The following TDRD1 variants were observed in gnomAD, a reference collection of about 807,000 sequenced individuals.
The protein encoded by TDRD1 is tudor domain-containing protein 1.
Under a neutral mutation model 140.6 loss-of-function variants are expected in TDRD1, and 37 were observed. That is an observed-to-expected ratio of 0.26 (90% CI 0.20 to 0.35). TDRD1 has a LOEUF of 0.35. Among genes scored for constraint, TDRD1 ranks in the 10% least tolerant of loss-of-function variants. The pLI is 1.00. For synonymous variants in TDRD1, 506 were observed against 475.7 expected (o/e 1.06, Z -0.83); for missense variants, 1,243 against 1,393.0 (o/e 0.89, Z 1.71).
chr10:114,226,938 C>T (rs762403139), intron 22 of TDRD1, 134 bp from the exon 23 acceptor site: 33 of 592,872 alleles, frequency 5.6e-5, no homozygotes, highest in Non-Finnish European at 8.5e-5. Context: ...TGTAATGCAA[C>T]AGCAGTAGTA....
exon 2 of TDRD1, chr10:114,188,122 T>C: frequency 6.2e-7 from 1 of 1,603,918 alleles, no homozygotes; most frequent in Non-Finnish European, 8.5e-7. Flanking sequence ...GAGAAGTAGT[T>C]GGCTCCAAAG....
chr10:114,225,945 G>A, intron 21 of TDRD1, 104 bp from the exon 22 acceptor site: 1 of 939,004 alleles, frequency 1.1e-6, no homozygotes. Flanking sequence ...CAGAAATTTT[G>A]GCATGGATTT....
chr10:114,191,163 C>A lies in TDRD1; in HGVS notation c.384+144C>A, dbSNP rs550295298. On this transcript the variant is annotated intron_variant, in intron 3 of 25. Transcript: ENST00000251864. The stretch of plus-strand genomic sequence containing the variant: ...TATGTACATTTTTAAAAAAAGAAAA[C>A]TTTCTTAGGTTATTGTAGATTCACA... The A allele has an allele frequency of 1.4e-5, 12 of 873,248 alleles. No homozygotes were observed. The South Asian group carries it at 2.3e-4, about 17-fold the overall frequency. The allele number at this position is 873,248 out of a possible 1,614,324, so 54.1% of individuals were successfully genotyped here. A position where few individuals can be genotyped will look rare whatever the true frequency, so the allele number is the denominator to read the frequency against.
upstream of TDRD1, chr10:114,179,199 G>C (rs1184766678): frequency 1.3e-5 from 2 of 152,330 alleles, no homozygotes; most frequent in Admixed American, 6.5e-5. Context: ...AGCACAAGCT[G>C]CTTCCGGGGA....
At chr10:114,217,176 T>C (rs2035864455) in intron 16 of TDRD1, among the ~76,000 whole-genome samples, 2 of 152,210 alleles carry the variant, frequency 1.3e-5, no homozygotes, top group Non-Finnish European at 2.9e-5. Flanking sequence ...TTCTTATACA[T>C]TACCTGTGCC....
intron 1 of TDRD1, among the ~76,000 whole-genome samples, chr10:114,185,011 T>C (rs1206374938): frequency 6.6e-6 from 1 of 152,138 alleles, no homozygotes; most frequent in Admixed American, 6.5e-5. Flanking sequence ...TTAGGTCAAG[T>C]TTATTGTTAC....
chr10:114,206,372 A>G (rs776214033), intron 11 of TDRD1, 42 bp downstream of exon 11: 2 of 1,513,724 alleles, frequency 1.3e-6, no homozygotes, highest in East Asian at 2.3e-5. Context: ...GACTTCAGTT[A>G]TTGAAGACCA....
chr10:114,196,484 CATGGTCTCT>C (rs2034358323), intron 3 of TDRD1, among the ~76,000 whole-genome samples: 1 of 152,118 alleles, frequency 6.6e-6, no homozygotes, highest in Non-Finnish European at 1.5e-5. Flanking sequence ...TTCTGGCCTC[CATGGTCTCT>C]AATGAGAAAT....
At chr10:114,181,702 G>A (rs1365446789) in intron 1 of TDRD1, among the ~76,000 whole-genome samples, 1 of 151,998 alleles carries the variant, frequency 6.6e-6, no homozygotes, top group Non-Finnish European at 1.5e-5. Context: ...AAAATTAGCC[G>A]GGCGTGATGG....
In TDRD1 at chr10:114,204,235, C is replaced by T. The variant is rs531760701; in HGVS notation, c.1125+19C>T. 1.3e-6 allele frequency: 2 copies of T among 1,570,454 alleles called. No individual in the cohort carries two copies. The highest frequency in any genetic ancestry group is 1.4e-5 in the African/African-American group (1 of 72,246). Reference sequence around the variant, plus strand: ...TCCTTGTGTGAGTCTCTTTTACTTTCTAGATTTTTAATAGTGTCCCAAAGG... The same window carrying T: ...TCCTTGTGTGAGTCTCTTTTACTTTTTAGATTTTTAATAGTGTCCCAAAGG... On this transcript the variant is annotated intron_variant, in intron 9 of 25. Transcript: ENST00000251864.
At chr10:114,203,603 G>T in intron 8 of TDRD1, 36 bp downstream of exon 8, 1 of 1,559,354 alleles carries the variant, frequency 6.4e-7, no homozygotes, top group Non-Finnish European at 8.7e-7. Context: ...TAAAACGTTT[G>T]AGCTAACTTT....
exon 15 of TDRD1, chr10:114,213,459 C>T: frequency 1.2e-6 from 2 of 1,613,968 alleles, no homozygotes; most frequent in African/African-American, 1.3e-5. Context: ...AAACAGTTCC[C>T]TGGTGGAGCT....
chr10:114,229,958 G>C (rs1310209999), intron 25 of TDRD1, among the ~76,000 whole-genome samples: 1 of 151,934 alleles, frequency 6.6e-6, no homozygotes, highest in African/African-American at 2.4e-5. Context: ...AGCTTCCCAA[G>C]TAGCTGGGAC....
chr10:114,210,773 C>T (rs1359943977), intron 12 of TDRD1, 25 bp downstream of exon 12: 7 of 1,609,918 alleles, frequency 4.3e-6, no homozygotes, highest in Admixed American at 1.7e-5. Context: ...TTGATTTGCT[C>T]TATGAAGCTA....
At position 114,194,494 on chromosome 10, in the gene TDRD1, A is replaced by G. The variant is rs117414780; in HGVS notation, c.384+3475A>G. Among the ~76,000 whole-genome samples the G allele has an allele frequency of 5.8e-4, 89 of 152,204 alleles. 1 individual carries two copies. The East Asian group carries it at 0.012, about 21-fold the overall frequency. ...AAGTGTTCCCAGTATTATTTTCAGT[A>G]TTAGTGGTGTCTGTAGTAATGTTCC... On this transcript the variant is annotated intron_variant, in intron 3 of 25. Transcript: ENST00000251864.
chr10:114,222,492 G>C lies in TDRD1; in HGVS notation c.2891-95G>C, dbSNP rs114352516. On this transcript the variant is annotated intron_variant, in intron 20 of 25. Coordinates refer to ENST00000251864, the Ensembl canonical transcript of TDRD1. ...TTTAAATATATTTTAATACACAAAG[G>C]GTTTTTGGATTGATTAGACTTGCCA... is the stretch of plus-strand genomic sequence containing the variant. The C allele has an allele frequency of 1.2e-5, 7 of 578,492 alleles. No individual in the cohort carries two copies. In the East Asian group the frequency reaches 1.7e-4, roughly 14 times the overall value. 35.8% of individuals were successfully genotyped at this position (578,492 alleles called of 1,614,324 possible). A position where few individuals can be genotyped will look rare whatever the true frequency, so the allele number is the denominator to read the frequency against.
intron 3 of TDRD1, among the ~76,000 whole-genome samples, chr10:114,194,991 C>G (rs562954147): frequency 6.6e-6 from 1 of 151,642 alleles, no homozygotes; most frequent in East Asian, 1.9e-4. Context: ...AACTCCTGGC[C>G]TCAAGTGGTC....
chr10:114,221,521 CT>C (rs2133161702), intron 20 of TDRD1, 45 bp downstream of exon 20: 1 of 1,578,126 alleles, frequency 6.3e-7, no homozygotes, highest in African/African-American at 1.4e-5. Flanking sequence ...ATCTTTTAAA[CT>C]GTAAAACGAA....
chr10:114,225,704 A>G (rs2036396451), intron 21 of TDRD1, among the ~76,000 whole-genome samples: 1 of 152,124 alleles, frequency 6.6e-6, no homozygotes, highest in Non-Finnish European at 1.5e-5. Context: ...CCAAGAATAA[A>G]AAGTTAGCTG....
Sources: allele counts gnomAD v4.1 joint callset (sites outside exome capture counted in the v4.1 genomes callset), GRCh38; gene constraint gnomAD v4.1.1; transcripts MANE v1.5; gene names NCBI Gene and HGNC (gene_info 2026-07-23, HGNC 2026-07-21).